Variants in CTNNA3 observed in about 807,000 individuals in gnomAD.
The protein encoded by CTNNA3 is catenin alpha 3.
A neutral mutation model predicts 95.7 loss-of-function variants in CTNNA3; 76 were observed. That is an observed-to-expected ratio of 0.79 (90% confidence interval 0.66 to 0.96). The LOEUF (loss-of-function observed/expected upper bound fraction) is 0.96, where lower values mean the gene tolerates loss of function less well. Among genes scored for constraint, CTNNA3 ranks in the 40% least tolerant of loss-of-function variants. The pLI is 0.00. For missense variants in CTNNA3, 1,191 were observed against 1,089.8 expected (o/e 1.09, Z -1.31); for synonymous variants, 431 against 374.4 (o/e 1.15, Z -1.74).
chr10:66,008,548 A>C (rs547579354), intron 15 of CTNNA3, among the ~76,000 whole-genome samples: 1 of 152,254 alleles, frequency 6.6e-6, no homozygotes, highest in South Asian at 2.1e-4. Context: ...TGGGGCTTCT[A>C]TTTTATTCTC....
At chr10:66,805,647 T>C (rs966328331) in intron 7 of CTNNA3, among the ~76,000 whole-genome samples, 2 of 151,916 alleles carry the variant, frequency 1.3e-5, no homozygotes, top group African/African-American at 2.4e-5. Flanking sequence ...CTATCTCTTT[T>C]ATAGATTCAT....
chr10:66,900,906 T>C (rs1444128735), intron 7 of CTNNA3, among the ~76,000 whole-genome samples: 1 of 152,182 alleles, frequency 6.6e-6, no homozygotes, highest in Admixed American at 6.5e-5. Flanking sequence ...ATCTGATTGG[T>C]GTACCTGAAA....
chr10:67,473,711 T>C (rs369501100), intron 5 of CTNNA3, among the ~76,000 whole-genome samples: 2 of 151,922 alleles, frequency 1.3e-5, no homozygotes, highest in African/African-American at 4.8e-5. Context: ...AAAATAACAA[T>C]ACAACAATTA....
At chr10:67,435,089 T>C (rs1333768987) in intron 5 of CTNNA3, among the ~76,000 whole-genome samples, 1 of 152,072 alleles carries the variant, frequency 6.6e-6, no homozygotes, top group South Asian at 2.1e-4. Context: ...TGTATTCAAA[T>C]GTTCCTAGCT....
chr10:66,383,673 A>T (rs2092862010), intron 11 of CTNNA3, among the ~76,000 whole-genome samples: 1 of 152,184 alleles, frequency 6.6e-6, no homozygotes, highest in African/African-American at 2.4e-5. Flanking sequence ...AATTAAGGGA[A>T]AAGTGTTAAC....
At chr10:67,425,369 C>A (rs866914160) in intron 5 of CTNNA3, among the ~76,000 whole-genome samples, 18 of 151,996 alleles carry the variant, frequency 1.2e-4, no homozygotes, top group Middle Eastern at 3.2e-3. Context: ...GAGCACAATG[C>A]AGCAGAGAGG....
intron 7 of CTNNA3, among the ~76,000 whole-genome samples, chr10:66,820,688 C>T (rs1318237338): frequency 1.3e-5 from 2 of 149,676 alleles, no homozygotes; most frequent in Non-Finnish European, 3.0e-5. Flanking sequence ...ATATTGGTGA[C>T]GGGATCATGA....
At chr10:65,982,178 C>T (rs527379457) in intron 16 of CTNNA3, among the ~76,000 whole-genome samples, 1 of 150,480 alleles carries the variant, frequency 6.6e-6, no homozygotes, top group African/African-American at 2.4e-5. Context: ...AAAAAGTGGG[C>T]TAAGGACATG....
At chr10:67,086,605 T>C (rs1461937213) in intron 7 of CTNNA3, among the ~76,000 whole-genome samples, 1 of 151,918 alleles carries the variant, frequency 6.6e-6, no homozygotes, top group Non-Finnish European at 1.5e-5. Context: ...GAAGACTACA[T>C]CAATATAGTA....
intron 5 of CTNNA3, among the ~76,000 whole-genome samples, chr10:67,341,793 C>T (rs991434917): frequency 6.6e-5 from 10 of 152,044 alleles, no homozygotes; most frequent in South Asian, 2.1e-4. Flanking sequence ...AATGGTTGTA[C>T]TAATTTATAA....
chr10:66,405,037 G>T (rs1245683765), intron 11 of CTNNA3, among the ~76,000 whole-genome samples: 5 of 152,126 alleles, frequency 3.3e-5, no homozygotes. Flanking sequence ...GGGTGAGTTT[G>T]GTAGGAAGAA....
At chr10:66,757,534 T>C (rs767821251) in intron 9 of CTNNA3, among the ~76,000 whole-genome samples, 1 of 152,154 alleles carries the variant, frequency 6.6e-6, no homozygotes, top group Non-Finnish European at 1.5e-5. Context: ...AAGCAGTTAC[T>C]TAAGAGTTAG....
chr10:66,319,550 C>A (rs1299739124), intron 12 of CTNNA3, among the ~76,000 whole-genome samples: 1 of 152,076 alleles, frequency 6.6e-6, no homozygotes, highest in Non-Finnish European at 1.5e-5. Context: ...TTTTCTAGAA[C>A]ATAGAATATG....
chr10:67,223,456 A>C (rs1039789821), intron 5 of CTNNA3, among the ~76,000 whole-genome samples: 3 of 152,336 alleles, frequency 2.0e-5, no homozygotes, highest in Middle Eastern at 3.4e-3. Context: ...TCAGCTCCTC[A>C]AGGATTGATA....
chr10:66,757,040 T>G (rs1303645157), intron 9 of CTNNA3, among the ~76,000 whole-genome samples: 1 of 152,192 alleles, frequency 6.6e-6, no homozygotes, highest in African/African-American at 2.4e-5. Flanking sequence ...TATTTCTTAG[T>G]TCTTTTGAGA....
intron 15 of CTNNA3, among the ~76,000 whole-genome samples, chr10:66,018,284 T>C (rs1314903673): frequency 6.6e-6 from 1 of 151,330 alleles, no homozygotes; most frequent in Admixed American, 6.6e-5. Flanking sequence ...TAATTATGAA[T>C]CAGGAGAACT....
chr10:67,539,373 G>C, intron 4 of CTNNA3, 130 bp downstream of exon 4: 1 of 938,538 alleles, frequency 1.1e-6, no homozygotes, highest in Non-Finnish European at 1.6e-6. Flanking sequence ...ACCCAGTCTA[G>C]TCTGCTTCTG....
At chr10:66,125,008 CA>C (rs1267121025) in intron 13 of CTNNA3, among the ~76,000 whole-genome samples, 2 of 152,146 alleles carry the variant, frequency 1.3e-5, no homozygotes, top group African/African-American at 4.8e-5. Context: ...TTTCTACACA[CA>C]GCAAAATTAT....
intron 5 of CTNNA3, among the ~76,000 whole-genome samples, chr10:67,437,094 T>C (rs913397757): frequency 8.6e-5 from 13 of 152,010 alleles, no homozygotes; most frequent in Non-Finnish European, 1.6e-4. Flanking sequence ...AATCAATGAG[T>C]GGATAAAGAA....
Sources: allele counts gnomAD v4.1 joint callset (sites outside exome capture counted in the v4.1 genomes callset), GRCh38; gene constraint gnomAD v4.1.1; transcripts MANE v1.5; gene names NCBI Gene and HGNC (gene_info 2026-07-23, HGNC 2026-07-21).